Variants in KLF17 observed in about 807,000 individuals in gnomAD.
The protein encoded by KLF17 is KLF transcription factor 17.
A neutral mutation model predicts 34.2 loss-of-function variants in KLF17; 31 were observed. That is an observed-to-expected ratio of 0.91 (90% CI 0.68 to 1.22). The LOEUF is 1.22. Ranked by LOEUF, KLF17 falls within the 50% of genes most tolerant of loss-of-function variation. KLF17 has a pLI of 0.00. For synonymous variants in KLF17, 179 were observed against 186.7 expected (o/e 0.96, Z 0.34); for missense variants, 478 against 505.2 (o/e 0.95, Z 0.52).
chr1:44,108,659 T>A, the KLF17 span, among the ~76,000 whole-genome samples: 1 of 117,172 alleles, frequency 8.5e-6, no homozygotes, highest in African/African-American at 3.4e-5. Flanking sequence ...GTTTGTTAGC[T>A]CTTTTTTTTT....
chr1:44,075,649 A>G, the KLF17 span, among the ~76,000 whole-genome samples: 1 of 152,162 alleles, frequency 6.6e-6, no homozygotes. Context: ...TCCTCTGAGA[A>G]TCCTATTTTG....
chr1:44,112,407 C>T, the KLF17 span, among the ~76,000 whole-genome samples: 9 of 48,546 alleles, frequency 1.9e-4, 1 homozygote, highest in East Asian at 1.5e-3. Flanking sequence ...TTTTTATTTT[C>T]TTTTTTTATT....
At chr1:44,099,921 A>G in the KLF17 span, among the ~76,000 whole-genome samples, 1 of 73,422 alleles carries the variant, frequency 1.4e-5, no homozygotes, top group Non-Finnish European at 3.2e-5. Context: ...AAGAAAGAAA[A>G]GAAAGGGAGG....
the KLF17 span, chr1:44,103,514 A>ATAGC: frequency 1.7e-6 from 2 of 1,173,364 alleles, no homozygotes. Flanking sequence ...GCGCACCTGC[A>ATAGC]TAGCTGCTGG....
At chr1:44,102,412 G>C in the KLF17 span, among the ~76,000 whole-genome samples, 1 of 151,890 alleles carries the variant, frequency 6.6e-6, no homozygotes, top group Non-Finnish European at 1.5e-5. Context: ...AATTAACCAG[G>C]TGTGGTGGTG....
chr1:44,070,549 T>A, the KLF17 span, among the ~76,000 whole-genome samples: 81,660 of 149,708 alleles, frequency 0.55, 22,741 homozygotes, highest in East Asian at 0.65. Flanking sequence ...TGGCTGAAAA[T>A]CCATTCTACC....
the KLF17 span, among the ~76,000 whole-genome samples, chr1:44,047,722 C>T: frequency 6.6e-6 from 1 of 152,086 alleles, no homozygotes; most frequent in Non-Finnish European, 1.5e-5. Flanking sequence ...GTTCATATCA[C>T]CTATTTCCTT....
the KLF17 span, among the ~76,000 whole-genome samples, chr1:44,110,164 C>T: frequency 2.0e-5 from 3 of 152,134 alleles, no homozygotes; most frequent in East Asian, 5.8e-4. Flanking sequence ...GCCTCAGCCT[C>T]CCAAAGTGCT....
chr1:44,070,731 A>T, the KLF17 span, among the ~76,000 whole-genome samples: 1 of 151,190 alleles, frequency 6.6e-6, no homozygotes, highest in Non-Finnish European at 1.5e-5. Context: ...ATCAGAGCCA[A>T]ACCCTACGGG....
chr1:44,073,191 T>TTTC, the KLF17 span, among the ~76,000 whole-genome samples: 5,145 of 141,564 alleles, frequency 0.036, 367 homozygotes, highest in African/African-American at 0.13. Flanking sequence ...TCATGAGAGG[T>TTTC]TTCTTCTTCT....
At chr1:44,085,807 CAAAAAAAAAA>C in the KLF17 span, among the ~76,000 whole-genome samples, 9 of 63,620 alleles carry the variant, frequency 1.4e-4, no homozygotes, top group Admixed American at 2.5e-4. Flanking sequence ...TCTGTCTCAA[CAAAAAAAAAA>C]AAAAAAAAAA....
chr1:44,120,416 G>C (rs563448159), intron 1 of KLF17, among the ~76,000 whole-genome samples: 1 of 152,362 alleles, frequency 6.6e-6, no homozygotes, highest in Non-Finnish European at 1.5e-5. Flanking sequence ...GGGTCTGAGA[G>C]AAGGGAAGGA....
rs186439428 is a variant in KLF17, at chr1:44,134,442, G to C, written c.*1205G>C. On this transcript the variant is annotated 3_prime_UTR_variant, in exon 4 of 4. Coordinates refer to ENST00000372299, the MANE Select transcript of KLF17 (RefSeq NM_173484.4). Reference sequence around the variant, plus strand: ...TACTCGGGAGACTGACGGGAGAATCGCTTGAACCCAGGAGGCGGAGGTTGC... The same window carrying C: ...TACTCGGGAGACTGACGGGAGAATCCCTTGAACCCAGGAGGCGGAGGTTGC... The C allele has an allele frequency of 1.5e-3, 236 of 152,394 alleles. No homozygotes were observed. In the Middle Eastern group the frequency reaches 0.02, roughly 13 times the overall value. 9.4% of individuals were successfully genotyped at this position (152,394 alleles called of 1,614,324 possible). A position where few individuals can be genotyped will look rare whatever the true frequency, so the allele number is the denominator to read the frequency against.
At chr1:44,132,303 C>T (rs2088120984) in intron 3 of KLF17, among the ~76,000 whole-genome samples, 1 of 150,140 alleles carries the variant, frequency 6.7e-6, no homozygotes, top group South Asian at 2.1e-4. Flanking sequence ...GACTCCATCT[C>T]AAAAAAAAAA....
the KLF17 span, among the ~76,000 whole-genome samples, chr1:44,073,757 A>T: frequency 1.1e-4 from 17 of 151,878 alleles, 1 homozygote; most frequent in Non-Finnish European, 1.9e-4. Context: ...TTCCTGTTTC[A>T]CTTCCCTCGG....
chr1:44,110,150 A>G, the KLF17 span, among the ~76,000 whole-genome samples: 7 of 151,944 alleles, frequency 4.6e-5, no homozygotes, highest in African/African-American at 1.4e-4. Flanking sequence ...CAAGTGATCT[A>G]CCTGCCTCAG....
upstream of KLF17, among the ~76,000 whole-genome samples, chr1:44,116,807 CT>C (rs140097790): frequency 3.0e-4 from 46 of 152,326 alleles, no homozygotes; most frequent in African/African-American, 1.0e-3. Flanking sequence ...AGCATCCACT[CT>C]AATGGCCTTC....
At chr1:44,114,787 C>G (rs1427203856), upstream of KLF17, 1 of 152,174 alleles carries the variant, frequency 6.6e-6, no homozygotes, top group East Asian at 1.9e-4. Flanking sequence ...TGAAATACTC[C>G]TCTCCTAAAA....
the KLF17 span, among the ~76,000 whole-genome samples, chr1:44,079,853 T>C: frequency 6.6e-6 from 1 of 152,144 alleles, no homozygotes; most frequent in Non-Finnish European, 1.5e-5. Context: ...GGAATCCATA[T>C]ATGCTTGGGT....
Sources: allele counts gnomAD v4.1 joint callset (sites outside exome capture counted in the v4.1 genomes callset), GRCh38; gene constraint gnomAD v4.1.1; transcripts MANE v1.5; gene names NCBI Gene and HGNC (gene_info 2026-07-23, HGNC 2026-07-21).